Variants in BIRC2 observed in about 807,000 individuals in gnomAD.
BIRC2 encodes the protein baculoviral IAP repeat containing 2, also known as baculoviral IAP repeat-containing protein 2.
BIRC2 carries 18 observed loss-of-function variants against 60.9 expected under a neutral mutation model. The ratio of observed to expected loss-of-function variants is 0.30; its 90% CI spans 0.20 to 0.44. The LOEUF is 0.44. Ranked by LOEUF, BIRC2 falls within the 20% of genes least tolerant of loss-of-function variation. BIRC2 has a pLI of 1.00. For missense variants in BIRC2, 701 were observed against 728.5 expected (o/e 0.96, Z 0.43); for synonymous variants, 282 against 247.7 (o/e 1.14, Z -1.30).
chr11:102,350,151 T>C lies in BIRC2; in HGVS notation c.297T>C (p.Pro99=). ...ATAACTGGAAACTAGGAGACAGTCC[T>C]ATTCAAAAGCATAAACAGCTATATC... is the stretch of plus-strand genomic sequence containing the variant. The part of the protein sequence containing the change: ...MLDNWKLGDS[P]IQKHKQLYPS... The change falls in exon 2 of 9, where the codon CCT becomes CCC. Residue 99 remains proline (P), a synonymous_variant. Transcript: ENST00000227758. 1 of 1,614,256 alleles carries C rather than the reference T, an allele frequency of 6.2e-7. No individual in the cohort carries two copies. Among genetic ancestry groups the C allele is most frequent in the Non-Finnish European group, 8.5e-7 (1 of 1,180,044 alleles).
rs1565334216 is a variant in BIRC2, at chr11:102,360,552, C to G, written c.996-2344C>G. On this transcript the variant is annotated intron_variant, in intron 3 of 8. Transcript: ENST00000227758. ...TGTATATATTTTTTTATTTCATTAT[C>G]TGTGTTCTTTTGTAGCTCACTGAGT... Among the ~76,000 whole-genome samples, 2 of 151,894 alleles carry G rather than the reference C, an allele frequency of 1.3e-5. 1 individual carries two copies. The highest frequency in any genetic ancestry group is 4.8e-5 in the African/African-American group (2 of 41,428).
chr11:102,349,901 A>G lies in BIRC2; in HGVS notation c.47A>G (p.Gln16Arg), dbSNP rs377194676. The G allele has an allele frequency of 8.7e-6, 14 of 1,613,442 alleles. No individual in the cohort carries two copies. Among genetic ancestry groups the G allele is most frequent in the African/African-American group, 4.0e-5 (3 of 74,940 alleles). The change falls in exon 2 of 9, where the codon CAA (glutamine) becomes CGA (arginine). Residue 16 changes from glutamine to arginine, a missense_variant. Gln to Arg is a conservative substitution (Grantham distance 43). Transcript: ENST00000227758. The part of the protein sequence containing the change: ...SQRLFPGPSY[Q>R]NIKSIMEDST... ...AGACTTTTCCCAGGTCCCTCGTATC[A>G]AAACATTAAGAGTATAATGGAAGAT...
At chr11:102,365,892 C>T (rs564461914) in intron 5 of BIRC2, among the ~76,000 whole-genome samples, 1 of 152,294 alleles carries the variant, frequency 6.6e-6, no homozygotes, top group South Asian at 2.1e-4. Flanking sequence ...TGCATTTGGC[C>T]TCATCTTTCT....
intron 3 of BIRC2, 53 bp downstream of exon 3, chr11:102,350,996 T>G: frequency 6.6e-7 from 1 of 1,521,940 alleles, no homozygotes; most frequent in Non-Finnish European, 9.0e-7. Context: ...TTAAAAGAAG[T>G]AGGCATGCCT....
chr11:102,360,577 T>G (rs1951474238), intron 3 of BIRC2, among the ~76,000 whole-genome samples: 1 of 152,062 alleles, frequency 6.6e-6, no homozygotes, highest in Non-Finnish European at 1.5e-5. Context: ...GCTCACTGAG[T>G]TTGCTTGAAA....
In BIRC2 at chr11:102,350,847, G is replaced by T; in HGVS notation, c.899G>T (p.Arg300Leu). 1 of 1,613,038 alleles carries T rather than the reference G, an allele frequency of 6.2e-7. No homozygotes were observed. The highest frequency in any genetic ancestry group is 8.5e-7 in the Non-Finnish European group (1 of 1,179,696). ...TTTAGTCTTTTTTTTCCTGAAGGTC[G>T]CAATGATGATGTCAAATGCTTTTGT... is the stretch of plus-strand genomic sequence containing the variant. ...LASAGFYYVG[R>L]NDDVKCFCCD... Residue 300 changes from arginine to leucine, a missense_variant, in exon 3 of 9, where the codon CGC becomes CTC. Arg to Leu is a moderately radical substitution (Grantham distance 102). Coordinates refer to ENST00000227758, the MANE Select transcript of BIRC2 (RefSeq NM_001166.5).
At chr11:102,363,807 A>G (rs1390059203) in intron 5 of BIRC2, 91 bp downstream of exon 5, 9 of 1,030,266 alleles carry the variant, frequency 8.7e-6, no homozygotes, top group Non-Finnish European at 1.3e-5. Context: ...CTGTAATCCC[A>G]ACACTTTGAG....
chr11:102,370,104 A>T (rs1335164560), intron 6 of BIRC2, among the ~76,000 whole-genome samples: 1 of 150,188 alleles, frequency 6.7e-6, no homozygotes, highest in Non-Finnish European at 1.5e-5. Context: ...ATTTTCTCCC[A>T]TTTTGTAGGT....
Position 102,350,635 on chromosome 11 carries a change from A to T in BIRC2, c.781A>T (p.Ile261Phe), listed in dbSNP as rs1951348451. The T allele has an allele frequency of 6.2e-7, 1 of 1,614,120 alleles. No individual in the cohort carries two copies. Among genetic ancestry groups the T allele is most frequent in the Non-Finnish European group, 8.5e-7 (1 of 1,180,034 alleles). Residue 261 changes from isoleucine (I) to phenylalanine (F), a missense_variant, in exon 2 of 9, where the codon ATT (isoleucine) becomes TTT (phenylalanine). Coordinates refer to ENST00000227758, the MANE Select transcript of BIRC2 (RefSeq NM_001166.5). The part of the protein sequence containing the change: ...ENSLETLRFS[I>F]SNLSMQTHAA... The stretch of plus-strand genomic sequence containing the variant: ...TTCTCTAGAAACTCTGAGGTTTAGC[A>T]TTTCAAATCTGAGCATGCAGACACA...
intron 6 of BIRC2, among the ~76,000 whole-genome samples, chr11:102,373,398 G>A (rs1023539549): frequency 2.0e-5 from 3 of 152,128 alleles, no homozygotes; most frequent in East Asian, 1.9e-4. Context: ...GCTTGTCTGT[G>A]AAGTATTTTA....
At chr11:102,372,423 T>C (rs1375693469) in intron 6 of BIRC2, among the ~76,000 whole-genome samples, 1 of 152,230 alleles carries the variant, frequency 6.6e-6, no homozygotes, top group Admixed American at 6.5e-5. Flanking sequence ...CATTTCGTTA[T>C]GTACCCAGTA....
intron 6 of BIRC2, among the ~76,000 whole-genome samples, chr11:102,376,864 G>T (rs575270405): frequency 6.6e-6 from 1 of 152,288 alleles, no homozygotes; most frequent in South Asian, 2.1e-4. Context: ...AAACTGAGGT[G>T]TATGGGGAAG....
At chr11:102,365,284 C>CT (rs1951540848) in intron 5 of BIRC2, among the ~76,000 whole-genome samples, 1 of 152,178 alleles carries the variant, frequency 6.6e-6, no homozygotes, top group Non-Finnish European at 1.5e-5. Flanking sequence ...TTTTCCACCT[C>CT]TCCTGAATCA....
At chr11:102,372,625 GA>G (rs1338977978) in intron 6 of BIRC2, among the ~76,000 whole-genome samples, 1 of 142,708 alleles carries the variant, frequency 7.0e-6, no homozygotes, top group Non-Finnish European at 1.5e-5. Context: ...GTGTGGTGCT[GA>G]AAAAAATGTA....
At chr11:102,351,695 C>T (rs1294426082) in intron 3 of BIRC2, among the ~76,000 whole-genome samples, 1 of 147,550 alleles carries the variant, frequency 6.8e-6, no homozygotes, top group East Asian at 2.0e-4. Context: ...TTTTTCTGTA[C>T]AATTTTTTTT....
rs747527688 is a variant in BIRC2, at chr11:102,362,905, C to G, written c.1005C>G (p.Phe335Leu). 1 of 1,612,118 alleles carries G rather than the reference C, an allele frequency of 6.2e-7. No homozygotes were observed. The highest frequency in any genetic ancestry group is 8.5e-7 in the Non-Finnish European group (1 of 1,178,674). Reference protein sequence around the residue: ...EHAKWFPRCEFLIRMKGQEFV... With the variant: ...EHAKWFPRCELLIRMKGQEFV... ...TCCTCATATGTTTTAGGTGTGAGTT[C>G]TTGATACGAATGAAAGGCCAAGAGT... is the stretch of plus-strand genomic sequence containing the variant. Residue 335 changes from phenylalanine to leucine, a missense_variant, in exon 4 of 9, where the codon TTC (phenylalanine) becomes TTG (leucine). This residue lies in a region of BIRC2 where 39 missense variants were observed against 69.8 expected (regional missense o/e 0.56). Coordinates refer to ENST00000227758, the MANE Select transcript of BIRC2 (RefSeq NM_001166.5).
intron 6 of BIRC2, among the ~76,000 whole-genome samples, chr11:102,374,449 T>TGCTGGGGG (rs1448983462): frequency 4.7e-5 from 7 of 148,878 alleles, no homozygotes; most frequent in Non-Finnish European, 8.9e-5. Context: ...AGTGTGCCCC[T>TGCTGGGGG]GCTGGGGGGT....
At chr11:102,357,092 G>C (rs949185990) in intron 3 of BIRC2, among the ~76,000 whole-genome samples, 2 of 152,134 alleles carry the variant, frequency 1.3e-5, no homozygotes, top group African/African-American at 4.8e-5. Flanking sequence ...CTTCTAGTAG[G>C]CTGCTGAATT....
rs1371041180 is a variant in BIRC2 at position 102,368,241 on chromosome 11, A to T, written c.1124-65A>T. On this transcript the variant is annotated intron_variant, in intron 5 of 8. Coordinates refer to ENST00000227758, the MANE Select transcript of BIRC2 (RefSeq NM_001166.5). ...GTAAAGGATGAATAAAGATTGTGCC[A>T]TGATACTTTTTTCCATAGGTTTATG... 5 of 1,526,186 alleles carry T rather than the reference A, an allele frequency of 3.3e-6. No individual in the cohort carries two copies. The East Asian group carries it at 6.8e-5, about 21-fold the overall frequency. 94.5% of individuals were successfully genotyped at this position (1,526,186 alleles called of 1,614,324 possible).
Sources: gnomAD v4.1 joint callset for allele counts (sites outside exome capture counted in the v4.1 genomes callset) on GRCh38, gnomAD v4.1.1 for gene constraint, gnomAD v4.1.1 regional missense constraint, MANE v1.5 for transcripts, NCBI Gene and HGNC (gene_info 2026-07-23, HGNC 2026-07-21) for gene names.